ALMS1: variants seen among roughly 807,000 people sequenced by gnomAD.
ALMS1 encodes the protein centrosome-associated protein ALMS1.
In ALMS1, 271 loss-of-function variants were observed where a neutral mutation model predicts 352.2. That is an observed-to-expected ratio of 0.77 (90% confidence interval 0.70 to 0.85). ALMS1 has a LOEUF of 0.85. ALMS1 is among the 40% of genes least tolerant of loss of function. The pLI is 0.00. For synonymous variants in ALMS1, 1,865 were observed against 1,761.2 expected (o/e 1.06, Z -1.48); for missense variants, 5,445 against 4,870.7 (o/e 1.12, Z -3.51).
intron 9 of ALMS1, among the ~76,000 whole-genome samples, chr2:73,460,269 A>G (rs1020858360): frequency 1.3e-5 from 2 of 152,150 alleles, no homozygotes; most frequent in African/African-American, 4.8e-5. Context: ...AGATATTTTT[A>G]AATTTCCATT....
At chr2:73,595,180 G>C (rs149614100) in intron 16 of ALMS1, among the ~76,000 whole-genome samples, 1 of 152,076 alleles carries the variant, frequency 6.6e-6, no homozygotes, top group Admixed American at 6.5e-5. Context: ...GCCCTCCTTC[G>C]CAGAGGTATA....
At chr2:73,603,026 T>G (rs1342075195) in intron 20 of ALMS1, among the ~76,000 whole-genome samples, 1 of 152,224 alleles carries the variant, frequency 6.6e-6, no homozygotes, top group Non-Finnish European at 1.5e-5. Flanking sequence ...ATTCAAAGCC[T>G]AGTCTTTGCT....
At chr2:73,525,634 T>C (rs1026898475) in intron 11 of ALMS1, among the ~76,000 whole-genome samples, 1 of 152,190 alleles carries the variant, frequency 6.6e-6, no homozygotes, top group Non-Finnish European at 1.5e-5. Flanking sequence ...ATTAGATTTT[T>C]TTTTTCCTAT....
At chr2:73,440,830 C>A (rs1671704895) in intron 7 of ALMS1, among the ~76,000 whole-genome samples, 1 of 152,166 alleles carries the variant, frequency 6.6e-6, no homozygotes, top group South Asian at 2.1e-4. Context: ...ACTTTGATTC[C>A]TATTTATAAT....
chr2:73,583,695 T>C (rs1479520930), intron 16 of ALMS1, among the ~76,000 whole-genome samples: 1 of 152,200 alleles, frequency 6.6e-6, no homozygotes, highest in Non-Finnish European at 1.5e-5. Flanking sequence ...TTTCATTCTT[T>C]TGCATGTGGA....
intron 10 of ALMS1, among the ~76,000 whole-genome samples, chr2:73,493,687 A>T (rs1376659356): frequency 1.3e-5 from 2 of 151,966 alleles, no homozygotes; most frequent in Non-Finnish European, 2.9e-5. Flanking sequence ...GCACCACTGC[A>T]CTCCAGCCTG....
chr2:73,488,375 G>C (rs975391292), intron 9 of ALMS1, among the ~76,000 whole-genome samples: 2 of 152,242 alleles, frequency 1.3e-5, no homozygotes, highest in Non-Finnish European at 2.9e-5. Flanking sequence ...CCTCAACTTT[G>C]CTGTGTAATT....
rs547408107 is a variant in ALMS1 at position 73,400,650 on chromosome 2, G to T, written c.325-7972G>T. On this transcript the variant is annotated intron_variant, in intron 1 of 22. Coordinates refer to ENST00000613296, the MANE Select transcript of ALMS1 (RefSeq NM_001378454.1). ...AGGCCTCTTCATTTTGTCTATTTTT[G>T]TGTCAGATTTGACAGATTATCTTTT... 3.3e-5 allele frequency among the ~76,000 whole-genome samples: 5 copies of T among 152,188 alleles called. No homozygotes were observed. The East Asian group carries it at 9.7e-4, about 29-fold the overall frequency.
chr2:73,451,590 C>T lies in ALMS1; in HGVS notation c.5063C>T (p.Ala1688Val). 6.2e-7 allele frequency: 1 copy of T among 1,614,072 alleles called. No individual in the cohort carries two copies. The highest frequency in any genetic ancestry group is 8.5e-7 in the Non-Finnish European group (1 of 1,180,004). ...TLSDSHLPEE[A>V]LKVPPVPGPD... Reference sequence around the variant, plus strand: ...TCAGACAGTCATTTACCTGAAGAAGCTCTGAAAGTTCCACCTGTTCCTGGA... The same window carrying T: ...TCAGACAGTCATTTACCTGAAGAAGTTCTGAAAGTTCCACCTGTTCCTGGA... The change falls in exon 8 of 23, where the codon GCT (alanine) becomes GTT (valine). Residue 1688 changes from alanine to valine, a missense_variant. By Grantham distance (64) the Ala-to-Val change is moderately conservative. Transcript: ENST00000613296.
In ALMS1 at chr2:73,453,978, A is replaced by G; in HGVS notation, c.7451A>G (p.Lys2484Arg). 1 of 1,613,704 alleles carries G rather than the reference A, an allele frequency of 6.2e-7. No homozygotes were observed. Among genetic ancestry groups the G allele is most frequent in the East Asian group, 2.2e-5 (1 of 44,812 alleles). Residue 2484 changes from lysine (K) to arginine (R), a missense_variant, in exon 8 of 23, where the codon AAA (lysine) becomes AGA (arginine). Physicochemically the swap from Lys to Arg is conservative, Grantham distance 26 (BLOSUM62 2). Coordinates refer to ENST00000613296, the MANE Select transcript of ALMS1 (RefSeq NM_001378454.1). ...SSVDSLAAHV[K>R]NLLQCESSLN... ...GTAGATTCACTGGCTGCACATGTGA[A>G]AAACCTTCTGCAATGTGAATCCTCA...
At chr2:73,545,819 A>C (rs1163112811) in intron 12 of ALMS1, among the ~76,000 whole-genome samples, 2 of 152,196 alleles carry the variant, frequency 1.3e-5, no homozygotes, top group Non-Finnish European at 2.9e-5. Context: ...TTGTGCATGC[A>C]CTCTACCCTT....
intron 7 of ALMS1, among the ~76,000 whole-genome samples, chr2:73,440,035 C>T (rs953646862): frequency 2.0e-5 from 3 of 152,044 alleles, no homozygotes; most frequent in African/African-American, 7.2e-5. Flanking sequence ...GGCTGGAGTG[C>T]AGTGGTGCTA....
At chr2:73,421,307 A>G (rs1671279617) in intron 3 of ALMS1, among the ~76,000 whole-genome samples, 1 of 152,164 alleles carries the variant, frequency 6.6e-6, no homozygotes, top group Non-Finnish European at 1.5e-5. Context: ...AAAGACTGTC[A>G]GATTCTTTAA....
intron 21 of ALMS1, among the ~76,000 whole-genome samples, chr2:73,606,712 A>G (rs942885672): frequency 6.6e-6 from 1 of 152,176 alleles, no homozygotes. Flanking sequence ...TTAGGAAACT[A>G]CAACCCAGAG....
At chr2:73,533,503 G>A (rs1673964727) in intron 11 of ALMS1, among the ~76,000 whole-genome samples, 1 of 152,084 alleles carries the variant, frequency 6.6e-6, no homozygotes, top group Admixed American at 6.6e-5. Context: ...GAAGTGGGGG[G>A]CTTTAATGGG....
At chr2:73,507,473 G>C (rs1330116129) in intron 10 of ALMS1, among the ~76,000 whole-genome samples, 1 of 152,086 alleles carries the variant, frequency 6.6e-6, no homozygotes, top group East Asian at 1.9e-4. Flanking sequence ...GACTGTTCAG[G>C]GATTTGACTT....
At chr2:73,507,659 C>T (rs1297410947) in intron 10 of ALMS1, among the ~76,000 whole-genome samples, 1 of 152,020 alleles carries the variant, frequency 6.6e-6, no homozygotes, top group Non-Finnish European at 1.5e-5. Context: ...TTTGATTCTT[C>T]TCTCTTTTCT....
At chr2:73,390,565 AG>A (rs1291230556) in intron 1 of ALMS1, among the ~76,000 whole-genome samples, 2 of 152,190 alleles carry the variant, frequency 1.3e-5, no homozygotes, top group Non-Finnish European at 2.9e-5. Context: ...CTTATAACTA[AG>A]TCTTTTTAAG....
chr2:73,486,970 G>A (rs10207264), intron 9 of ALMS1, among the ~76,000 whole-genome samples: 55,076 of 152,046 alleles, frequency 0.36, 13,345 homozygotes, highest in African/African-American at 0.69. Context: ...TGGCAGGATC[G>A]CCTGAGCCTG....
Sources: gnomAD v4.1 joint callset for allele counts (sites outside exome capture counted in the v4.1 genomes callset) on GRCh38, gnomAD v4.1.1 for gene constraint, MANE v1.5 for transcripts, NCBI Gene and HGNC (gene_info 2026-07-23, HGNC 2026-07-21) for gene names.